The following FGF5 variants were observed in gnomAD, a reference collection of about 807,000 sequenced individuals.
FGF5 encodes the protein heparin-binding growth factor 5.
A neutral mutation model predicts 21.8 loss-of-function variants in FGF5; 23 were observed. The observed-to-expected ratio is 1.05, with a 90% CI of 0.76 to 1.49. FGF5 has a LOEUF of 1.49. Ranked by LOEUF, FGF5 falls within the 40% of genes most tolerant of loss-of-function variation. The pLI, the probability that FGF5 is intolerant of heterozygous loss-of-function variation, is 0.00. For missense variants in FGF5, 352 were observed against 332.9 expected (o/e 1.06, Z -0.45); for synonymous variants, 158 against 124.0 (o/e 1.27, Z -1.82).
At chr4:80,269,161 C>A (rs35394125) in intron 1 of FGF5, among the ~76,000 whole-genome samples, 11 of 151,984 alleles carry the variant, frequency 7.2e-5, no homozygotes, top group African/African-American at 2.4e-4. Context: ...GGTGACTGTG[C>A]GCGCTGCTGT....
intron 1 of FGF5, among the ~76,000 whole-genome samples, chr4:80,273,532 T>C (rs1361761592): frequency 6.6e-6 from 1 of 152,174 alleles, no homozygotes; most frequent in Non-Finnish European, 1.5e-5. Flanking sequence ...TATATATACC[T>C]CAAATACTGC....
intron 1 of FGF5, chr4:80,268,146 C>G (rs1012438204): frequency 1.2e-4 from 19 of 152,386 alleles, no homozygotes; most frequent in African/African-American, 4.6e-4. Context: ...TCCACCCCAT[C>G]TATGTTTCCA....
Position 80,288,822 on chromosome 4 carries a change from A to C in FGF5, c.*2150A>C, listed in dbSNP as rs573059936. On this transcript the variant is annotated 3_prime_UTR_variant, in exon 3 of 3. Coordinates refer to ENST00000312465, the MANE Select transcript of FGF5 (RefSeq NM_004464.4). ...ACATTAAACTCAAATGTAATAGTTT[A>C]TCTTATACTCCTGGTTTGATTTGAT... 6.5e-5 allele frequency: 10 copies of C among 152,780 alleles called. No homozygotes were observed. Among genetic ancestry groups the C allele is most frequent in the African/African-American group, 2.4e-4 (10 of 41,584 alleles). The allele number at this position is 152,780 out of a possible 1,614,324, so 9.5% of individuals were successfully genotyped here.
rs1035626157 is a variant in FGF5, at chr4:80,274,981, C to T, written c.428C>T (p.Ala143Val). ...IRGVFSNKFL[A>V]MSKKGKLHAS... ...GGAGTTTTCAGCAACAAATTTTTAG[C>T]GATGTCAAAAAAAGGAAAACTCCAT... The change falls in exon 2 of 3, where the codon GCG becomes GTG. Residue 143 changes from alanine (A) to valine (V), a missense_variant. Ala to Val is a moderately conservative substitution (Grantham distance 64). Coordinates refer to ENST00000312465, the MANE Select transcript of FGF5 (RefSeq NM_004464.4). 5.7e-6 allele frequency: 9 copies of T among 1,583,688 alleles called. No individual in the cohort carries two copies. The highest frequency in any genetic ancestry group is 1.7e-5 in the Admixed American group (1 of 58,426).
intron 2 of FGF5, among the ~76,000 whole-genome samples, chr4:80,282,978 G>A (rs1406513716): frequency 6.6e-6 from 1 of 151,970 alleles, no homozygotes; most frequent in Non-Finnish European, 1.5e-5. Context: ...TATAAAGATG[G>A]TCCATGCACA....
rs745662451 is a variant in FGF5, at chr4:80,286,359, G to A, written c.494G>A (p.Arg165His). ...ACAGATGACTGCAAGTTCAGGGAGCGTTTTCAAGAAAATAGCTATAATACC... is the reference window on the plus strand; with the variant it reads ...ACAGATGACTGCAAGTTCAGGGAGCATTTTCAAGAAAATAGCTATAATACC... Reference protein sequence around the residue: ...KFTDDCKFRERFQENSYNTYA... With the variant: ...KFTDDCKFREHFQENSYNTYA... The change falls in exon 3 of 3, where the codon CGT becomes CAT. Residue 165 changes from arginine to histidine, a missense_variant. By Grantham distance (29) the Arg-to-His change is conservative. Transcript: ENST00000312465. 26 of 1,599,744 alleles carry A rather than the reference G, an allele frequency of 1.6e-5. No homozygotes were observed. The highest frequency in any genetic ancestry group is 6.7e-5 in the African/African-American group (5 of 74,102).
At position 80,267,106 on chromosome 4, in the gene FGF5, A is replaced by G. The variant is rs775495206; in HGVS notation, c.282A>G (p.Arg94=). The change falls in exon 1 of 3, where the codon AGA becomes AGG. Residue 94 remains arginine (R), a synonymous_variant. Transcript: ENST00000312465. ...SGRRTGSLYC[R]VGIGFHLQIY... is the part of the protein sequence containing the mutation. ...GCCGGACCGGCAGCCTCTACTGCAG[A>G]GTGGGCATCGGTTTCCATCTGCAGA... 1.2e-6 allele frequency: 2 copies of G among 1,614,010 alleles called. No individual in the cohort carries two copies. Among genetic ancestry groups the G allele is most frequent in the Non-Finnish European group, 1.7e-6 (2 of 1,179,966 alleles).
chr4:80,267,315 G>A (rs1720125034), intron 1 of FGF5, 136 bp downstream of exon 1: 1 of 703,316 alleles, frequency 1.4e-6, no homozygotes, highest in East Asian at 2.7e-5. Context: ...CTCAGAAACA[G>A]CCGGGCGGGT....
chr4:80,281,455 C>CT (rs1384340789), intron 2 of FGF5, among the ~76,000 whole-genome samples: 4 of 152,114 alleles, frequency 2.6e-5, no homozygotes, highest in Non-Finnish European at 5.9e-5. Flanking sequence ...TTATATTTGG[C>CT]TTTTTTTCCC....
chr4:80,270,033 C>T (rs934968480), intron 1 of FGF5, among the ~76,000 whole-genome samples: 2 of 152,216 alleles, frequency 1.3e-5, no homozygotes, highest in African/African-American at 4.8e-5. Context: ...GTTGATGTTT[C>T]CTGACATTCG....
chr4:80,282,090 G>A (rs1184933339), intron 2 of FGF5, among the ~76,000 whole-genome samples: 1 of 152,134 alleles, frequency 6.6e-6, no homozygotes, highest in Non-Finnish European at 1.5e-5. Context: ...AGTCTCCTGA[G>A]TAGTTGAGAT....
In FGF5 at chr4:80,266,757, C is replaced by A; in HGVS notation, c.-68C>A. ...GGCGGGCAGAGCCAGAGGCACGCAGCCGCACAGGGGCTACAGAGCCCAGAA... is the reference window on the plus strand; with the variant it reads ...GGCGGGCAGAGCCAGAGGCACGCAGACGCACAGGGGCTACAGAGCCCAGAA... On this transcript the variant is annotated 5_prime_UTR_variant, in exon 1 of 3. Coordinates refer to ENST00000312465, the MANE Select transcript of FGF5 (RefSeq NM_004464.4). 8 of 1,348,478 alleles carry A rather than the reference C, an allele frequency of 5.9e-6. No homozygotes were observed. Among genetic ancestry groups the A allele is most frequent in the Non-Finnish European group, 8.1e-6 (8 of 992,068 alleles). 83.5% of individuals were successfully genotyped at this position (1,348,478 alleles called of 1,614,324 possible).
intron 1 of FGF5, among the ~76,000 whole-genome samples, chr4:80,273,674 CTTTCCTTCTTTG>C (rs968822391): frequency 1.3e-5 from 2 of 151,844 alleles, no homozygotes; most frequent in Non-Finnish European, 2.9e-5. Context: ...TTTTCCATCC[CTTTCCTTCTTTG>C]TTTCCTTCTT....
Position 80,286,613 on chromosome 4 carries a change from T to G in FGF5, c.748T>G (p.Ser250Ala). The G allele has an allele frequency of 1.2e-6, 2 of 1,614,050 alleles. No individual in the cohort carries two copies. Among genetic ancestry groups the G allele is most frequent in the Non-Finnish European group, 1.7e-6 (2 of 1,179,972 alleles). ...CCCTATCAAGCCAAAGATTCCCCTT[T>G]CTGCACCTCGGAAAAATACCAACTC... ...PSPIKPKIPLSAPRKNTNSVK... is the reference protein window; with the variant it reads ...PSPIKPKIPLAAPRKNTNSVK... The change falls in exon 3 of 3, where the codon TCT (serine) becomes GCT (alanine). Residue 250 changes from serine (S) to alanine (A), a missense_variant. Physicochemically the swap from Ser to Ala is moderately conservative, Grantham distance 99. Transcript: ENST00000312465.
chr4:80,280,222 A>G (rs993997330), intron 2 of FGF5, among the ~76,000 whole-genome samples: 1 of 152,242 alleles, frequency 6.6e-6, no homozygotes, highest in African/African-American at 2.4e-5. Context: ...TGGAATGTCT[A>G]GCTATTCAGG....
At chr4:80,272,353 A>C (rs1460621481) in intron 1 of FGF5, among the ~76,000 whole-genome samples, 1 of 152,150 alleles carries the variant, frequency 6.6e-6, no homozygotes, top group Admixed American at 6.5e-5. Context: ...ACACTTTCAC[A>C]TATATTATTT....
At chr4:80,271,664 C>CA (rs1363665363) in intron 1 of FGF5, among the ~76,000 whole-genome samples, 3 of 152,150 alleles carry the variant, frequency 2.0e-5, no homozygotes, top group African/African-American at 7.2e-5. Flanking sequence ...TCAAATTTAG[C>CA]AAACAGTCAT....
intron 2 of FGF5, among the ~76,000 whole-genome samples, chr4:80,282,634 A>G (rs919908705): frequency 2.1e-4 from 32 of 152,196 alleles, no homozygotes; most frequent in African/African-American, 6.5e-4. Flanking sequence ...AACTTTTTAA[A>G]CAAATATTTA....
intron 2 of FGF5, 58 bp from the exon 3 acceptor site, chr4:80,286,267 T>C (rs1720713797): frequency 2.5e-6 from 3 of 1,201,324 alleles, no homozygotes; most frequent in Non-Finnish European, 3.5e-6. Flanking sequence ...CCTTATGTTT[T>C]ATTACATGCT....
Sources: allele counts gnomAD v4.1 joint callset (sites outside exome capture counted in the v4.1 genomes callset), GRCh38; gene constraint gnomAD v4.1.1; transcripts MANE v1.5; gene names NCBI Gene and HGNC (gene_info 2026-07-23, HGNC 2026-07-21).